The following LRP1B variants were observed in gnomAD, a reference collection of about 807,000 sequenced individuals.
LRP1B encodes low-density lipoprotein receptor-related protein 1B.
LRP1B carries 217 observed loss-of-function variants against 556.6 expected under a neutral mutation model. The ratio of observed to expected loss-of-function variants is 0.39; its 90% confidence interval spans 0.35 to 0.44. The LOEUF (loss-of-function observed/expected upper bound fraction) is 0.44, where lower values mean the gene tolerates loss of function less well. Among genes scored for constraint, LRP1B ranks in the 20% least tolerant of loss-of-function variants. The pLI is 1.00. For synonymous variants in LRP1B, 2,047 were observed against 1,865.8 expected (o/e 1.10, Z -2.50); for missense variants, 5,053 against 5,620.8 (o/e 0.90, Z 3.23).
At chr2:140,973,692 T>G (rs980286) in intron 18 of LRP1B, among the ~76,000 whole-genome samples, 111,741 of 151,976 alleles carry the variant, frequency 0.74, 41,618 homozygotes, top group Admixed American at 0.79. Flanking sequence ...AAGCCCAGTA[T>G]GATCTGTTGT....
At chr2:142,035,519 A>C (rs1010016433) in intron 1 of LRP1B, among the ~76,000 whole-genome samples, 2 of 151,520 alleles carry the variant, frequency 1.3e-5, no homozygotes, top group Non-Finnish European at 3.0e-5. Context: ...TTAGAGAACC[A>C]CTGTAACACC....
intron 7 of LRP1B, among the ~76,000 whole-genome samples, chr2:141,119,094 T>C (rs1700979256): frequency 6.6e-6 from 1 of 151,960 alleles, no homozygotes; most frequent in Non-Finnish European, 1.5e-5. Flanking sequence ...GTTAATTTTG[T>C]GTTTTACACT....
rs3832053 is a variant in LRP1B at position 142,130,785 on chromosome 2, CCGG to C, written c.-59_-57del. The C allele has an allele frequency of 9.7e-4, 1,377 of 1,424,306 alleles. No individual in the cohort carries two copies. Among genetic ancestry groups the C allele is most frequent in the Non-Finnish European group, 1.1e-3 (1,166 of 1,040,234 alleles). 88.2% of individuals were successfully genotyped at this position (1,424,306 alleles called of 1,614,324 possible). On this transcript the variant is annotated 5_prime_UTR_variant, in exon 1 of 91. Transcript: ENST00000389484. ...GAGACTGCTCGGCGGCACCTTCGGCCCGGCGGCGGCGGCGGCGGCAGGGGCCGC... is the reference window on the plus strand; with the variant it reads ...GAGACTGCTCGGCGGCACCTTCGGCCCGGCGGCGGCGGCGGCAGGGGCCGC...
intron 12 of LRP1B, 86 bp downstream of exon 12, chr2:141,019,836 T>A: frequency 9.7e-7 from 1 of 1,035,852 alleles, no homozygotes; most frequent in Middle Eastern, 2.6e-4. Context: ...TACATATGGA[T>A]TTAAATAAAA....
intron 66 of LRP1B, among the ~76,000 whole-genome samples, chr2:140,389,310 A>T (rs1040777781): frequency 1.3e-5 from 2 of 152,054 alleles, no homozygotes; most frequent in Admixed American, 1.3e-4. Context: ...GGATTCAAAA[A>T]TCTAGCACTA....
At chr2:142,025,095 AT>A (rs1353476131) in intron 1 of LRP1B, among the ~76,000 whole-genome samples, 1 of 151,940 alleles carries the variant, frequency 6.6e-6, no homozygotes, top group African/African-American at 2.4e-5. Context: ...TTCCAAATGA[AT>A]TTTTCTTATT....
At chr2:141,011,071 C>G (rs1433204327) in intron 14 of LRP1B, among the ~76,000 whole-genome samples, 2 of 142,792 alleles carry the variant, frequency 1.4e-5, no homozygotes, top group Admixed American at 7.1e-5. Context: ...TGTATTCTCT[C>G]AGAGAGAGAG....
intron 2 of LRP1B, among the ~76,000 whole-genome samples, chr2:141,541,608 T>G (rs1685263257): frequency 6.6e-6 from 1 of 152,020 alleles, no homozygotes; most frequent in Non-Finnish European, 1.5e-5. Flanking sequence ...TAATTCTCAG[T>G]CCCATGTATT....
chr2:140,915,763 A>T (rs1694556775), intron 21 of LRP1B, among the ~76,000 whole-genome samples: 1 of 152,080 alleles, frequency 6.6e-6, no homozygotes. Context: ...ACTGAAGGGA[A>T]ACAACTAGAG....
chr2:140,431,132 A>G (rs900488644), intron 66 of LRP1B, among the ~76,000 whole-genome samples: 3 of 151,976 alleles, frequency 2.0e-5, no homozygotes, highest in African/African-American at 7.3e-5. Flanking sequence ...TCAGCAAAGC[A>G]TTTTTTCAGG....
At chr2:141,675,568 C>A (rs149799653) in intron 2 of LRP1B, among the ~76,000 whole-genome samples, 7 of 151,828 alleles carry the variant, frequency 4.6e-5, no homozygotes, top group Non-Finnish European at 8.8e-5. Flanking sequence ...AGTACCTACC[C>A]TATAGGGATT....
Position 141,358,248 on chromosome 2 carries a change from A to C in LRP1B, c.344-103607T>G, listed in dbSNP as rs993569720. Among the ~76,000 whole-genome samples, 26 of 152,234 alleles carry C rather than the reference A, an allele frequency of 1.7e-4. 1 individual carries two copies. The highest frequency in any genetic ancestry group is 1.5e-3 in the Admixed American group (23 of 15,278). On this transcript the variant is annotated intron_variant, in intron 3 of 90. Coordinates refer to ENST00000389484, the MANE Select transcript of LRP1B (RefSeq NM_018557.3). The stretch of plus-strand genomic sequence containing the variant: ...TAGACAAGCTGAAATCACAATCAGG[A>C]AAGGTGAAGCTACCTCAAAATTTGG...
chr2:141,040,522 C>T (rs1413744458), intron 11 of LRP1B, among the ~76,000 whole-genome samples: 2 of 151,880 alleles, frequency 1.3e-5, no homozygotes, highest in East Asian at 1.9e-4. Context: ...CAGATTACAT[C>T]CTGTAATCTG....
At chr2:140,448,790 T>C (rs535902693) in intron 63 of LRP1B, among the ~76,000 whole-genome samples, 100 of 152,228 alleles carry the variant, frequency 6.6e-4, no homozygotes, top group Middle Eastern at 3.4e-3. Flanking sequence ...GTATGTGATG[T>C]AATGCATATG....
chr2:140,259,223 G>GGA (rs1417549867), intron 86 of LRP1B, among the ~76,000 whole-genome samples: 1 of 151,982 alleles, frequency 6.6e-6, no homozygotes, highest in Non-Finnish European at 1.5e-5. Context: ...AAAGGACGGG[G>GGA]GATATACCTG....
At chr2:141,567,439 G>A (rs528373576) in intron 2 of LRP1B, among the ~76,000 whole-genome samples, 12 of 152,210 alleles carry the variant, frequency 7.9e-5, no homozygotes, top group South Asian at 4.2e-4. Flanking sequence ...ATCATTTTCA[G>A]GACACCTAGT....
intron 2 of LRP1B, among the ~76,000 whole-genome samples, chr2:141,695,929 G>A (rs1691720499): frequency 6.6e-6 from 1 of 151,834 alleles, no homozygotes; most frequent in Non-Finnish European, 1.5e-5. Flanking sequence ...TTTATGGATT[G>A]AAATAACAAA....
chr2:141,741,840 T>C (rs568531209), intron 2 of LRP1B, among the ~76,000 whole-genome samples: 2 of 152,308 alleles, frequency 1.3e-5, no homozygotes, highest in Non-Finnish European at 2.9e-5. Context: ...CCTGTGCTTG[T>C]GGGATATTGC....
chr2:141,225,928 T>C (rs1007552422), intron 6 of LRP1B, among the ~76,000 whole-genome samples: 3 of 152,122 alleles, frequency 2.0e-5, no homozygotes, highest in Non-Finnish European at 4.4e-5. Context: ...TGTCTCCCAC[T>C]TAGAGGGCCT....
Sources: allele counts gnomAD v4.1 joint callset (sites outside exome capture counted in the v4.1 genomes callset), GRCh38; gene constraint gnomAD v4.1.1; transcripts MANE v1.5; gene names NCBI Gene and HGNC (gene_info 2026-07-23, HGNC 2026-07-21).